Variants in XYLT1 observed in about 807,000 individuals in gnomAD.
The protein encoded by XYLT1 is beta-D-xylosyltransferase 1.
XYLT1 carries 36 observed loss-of-function variants against 91.3 expected under a neutral mutation model. The observed-to-expected ratio is 0.39, with a 90% CI of 0.30 to 0.52. The LOEUF is 0.52. Ranked by LOEUF, XYLT1 falls within the 20% of genes least tolerant of loss-of-function variation. The pLI, the probability that XYLT1 is intolerant of heterozygous loss-of-function variation, is 0.68. For missense variants in XYLT1, 1,242 were observed against 1,284.5 expected, an observed-to-expected ratio of 0.97 and a Z score of 0.51; for synonymous variants, 588 against 532.0, an observed-to-expected ratio of 1.11 and a Z score of -1.45.
At chr16:17,381,131 T>C (rs1324363685) in intron 1 of XYLT1, among the ~76,000 whole-genome samples, 6 of 152,100 alleles carry the variant, frequency 3.9e-5, no homozygotes, top group African/African-American at 9.7e-5. Flanking sequence ...TAAACAAATC[T>C]AGAGTGAGAG....
At chr16:17,130,753 C>T (rs1403167837) in intron 9 of XYLT1, among the ~76,000 whole-genome samples, 1 of 152,140 alleles carries the variant, frequency 6.6e-6, no homozygotes, top group Non-Finnish European at 1.5e-5. Context: ...TTACTTTTGC[C>T]CACTATAACC....
At chr16:17,125,112 A>G (rs1201506069) in intron 10 of XYLT1, among the ~76,000 whole-genome samples, 2 of 152,076 alleles carry the variant, frequency 1.3e-5, no homozygotes, top group Admixed American at 6.5e-5. Context: ...CTTGATTTGA[A>G]TCCATTGCTG....
At chr16:17,232,440 TATATATATAC>T in intron 3 of XYLT1, among the ~76,000 whole-genome samples, 1 of 127,418 alleles carries the variant, frequency 7.8e-6, no homozygotes, top group Middle Eastern at 3.8e-3. Context: ...TATATATATA[TATATATATAC>T]ATATATATAT....
At chr16:17,317,073 C>T (rs1397258354) in intron 2 of XYLT1, among the ~76,000 whole-genome samples, 6 of 151,890 alleles carry the variant, frequency 4.0e-5, no homozygotes, top group South Asian at 4.2e-4. Flanking sequence ...CCGCCCGCCT[C>T]GGCCTCCCAA....
At chr16:17,277,964 C>G (rs182857552) in intron 2 of XYLT1, among the ~76,000 whole-genome samples, 1 of 152,260 alleles carries the variant, frequency 6.6e-6, no homozygotes, top group Non-Finnish European at 1.5e-5. Flanking sequence ...GAGGAGCAAC[C>G]AGCAAGAGAG....
At chr16:17,317,999 G>A (rs78428077) in intron 2 of XYLT1, among the ~76,000 whole-genome samples, 4 of 152,140 alleles carry the variant, frequency 2.6e-5, no homozygotes, top group African/African-American at 4.8e-5. Flanking sequence ...GTCATTACCC[G>A]TCTTGTCACC....
intron 1 of XYLT1, among the ~76,000 whole-genome samples, chr16:17,376,198 C>T (rs759043859): frequency 2.0e-4 from 30 of 152,196 alleles, no homozygotes; most frequent in Non-Finnish European, 3.4e-4. Context: ...TCTAGAGACA[C>T]GCTTATTTGT....
intron 3 of XYLT1, chr16:17,249,836 C>CTTTTG (rs144586532): frequency 0.21 from 31,510 of 151,586 alleles, 3,845 homozygotes; most frequent in African/African-American, 0.34. Context: ...ACCTGGCTAA[C>CTTTTG]TTTTGTTTTG....
At position 17,306,561 on chromosome 16, in the gene XYLT1, T is replaced by G. The variant is rs1023712506; in HGVS notation, c.403-47063A>C. On this transcript the variant is annotated intron_variant, in intron 2 of 11. Coordinates refer to ENST00000261381, the MANE Select transcript of XYLT1 (RefSeq NM_022166.4). ...CAGAGTGAGACTGTCACAAAAGATA[T>G]ATATATATATATATATTCCCTCTAA... is the stretch of plus-strand genomic sequence containing the variant. Among the ~76,000 whole-genome samples, 4 of 151,174 alleles carry G rather than the reference T, an allele frequency of 2.6e-5. No homozygotes were observed. In the East Asian group the frequency reaches 5.8e-4, roughly 22 times the overall value.
At position 17,101,844 on chromosome 16, in the gene XYLT1, C is replaced by T. The variant is rs1213412302; in HGVS notation, c.*6851G>A. 2 of 152,102 alleles carry T rather than the reference C, an allele frequency of 1.3e-5. No homozygotes were observed. Among genetic ancestry groups the T allele is most frequent in the Non-Finnish European group, 2.9e-5 (2 of 68,038 alleles). The allele number at this position is 152,102 out of a possible 1,614,324, so 9.4% of individuals were successfully genotyped here. ...TCTGGAAGATGCAGTCTAGCTGTTC[C>T]ATTGGCCTGGTCACATGGTCACAGC... is the stretch of plus-strand genomic sequence containing the variant. On this transcript the variant is annotated 3_prime_UTR_variant, in exon 12 of 12. Transcript: ENST00000261381.
intron 3 of XYLT1, among the ~76,000 whole-genome samples, chr16:17,214,387 C>T (rs1240322064): frequency 1.3e-5 from 2 of 152,198 alleles, no homozygotes; most frequent in African/African-American, 4.8e-5. Context: ...ATTGACCCTC[C>T]TTCATAGGGA....
chr16:17,332,117 C>T (rs1469572917), intron 2 of XYLT1, among the ~76,000 whole-genome samples: 2 of 152,352 alleles, frequency 1.3e-5, no homozygotes, highest in East Asian at 1.9e-4. Flanking sequence ...CAGATACAAC[C>T]GTGTGGCCCT....
chr16:17,251,673 G>A (rs1215434842), intron 3 of XYLT1, among the ~76,000 whole-genome samples: 1 of 152,182 alleles, frequency 6.6e-6, no homozygotes, highest in Non-Finnish European at 1.5e-5. Flanking sequence ...ATGTAATGAG[G>A]CAGAAAAAGC....
chr16:17,186,938 A>T (rs1477436516), intron 5 of XYLT1, among the ~76,000 whole-genome samples: 2 of 152,200 alleles, frequency 1.3e-5, no homozygotes, highest in Non-Finnish European at 2.9e-5. Context: ...TGTCAGGGTT[A>T]GAACGAGAAT....
chr16:17,456,244 C>G (rs941111044), intron 1 of XYLT1, among the ~76,000 whole-genome samples: 7 of 150,586 alleles, frequency 4.6e-5, no homozygotes, highest in Admixed American at 4.6e-4. Context: ...TCTGTACATT[C>G]TATGTGGTGG....
At chr16:17,380,006 G>A (rs2035659728) in intron 1 of XYLT1, among the ~76,000 whole-genome samples, 1 of 152,058 alleles carries the variant, frequency 6.6e-6, no homozygotes, top group African/African-American at 2.4e-5. Flanking sequence ...GTGGTTGGAG[G>A]GCTGGGAGCA....
intron 5 of XYLT1, among the ~76,000 whole-genome samples, chr16:17,179,578 T>C (rs528836745): frequency 3.3e-4 from 51 of 152,294 alleles, no homozygotes; most frequent in African/African-American, 1.1e-3. Flanking sequence ...ACTGTCTCTT[T>C]CTCTAATGAG....
intron 9 of XYLT1, among the ~76,000 whole-genome samples, chr16:17,129,444 T>G (rs2030389417): frequency 6.6e-6 from 1 of 152,082 alleles, no homozygotes; most frequent in Non-Finnish European, 1.5e-5. Flanking sequence ...GTATTTTTAG[T>G]AGAGACGGGG....
intron 1 of XYLT1, among the ~76,000 whole-genome samples, chr16:17,385,434 T>A (rs553097593): frequency 5.1e-4 from 78 of 151,998 alleles, no homozygotes; most frequent in African/African-American, 1.6e-3. Flanking sequence ...CTTGTCTGAT[T>A]TGATCTGTTT....
Sources: allele counts gnomAD v4.1 joint callset (sites outside exome capture counted in the v4.1 genomes callset), GRCh38; gene constraint gnomAD v4.1.1; transcripts MANE v1.5; gene names NCBI Gene and HGNC (gene_info 2026-07-23, HGNC 2026-07-21).